The following TMEM178B variants were observed in gnomAD, a reference collection of about 807,000 sequenced individuals.
The protein encoded by TMEM178B is transmembrane protein 178B.
A neutral mutation model predicts 31.0 loss-of-function variants in TMEM178B; 5 were observed. The ratio of observed to expected loss-of-function variants is 0.16; its 90% CI spans 0.08 to 0.34. The LOEUF (loss-of-function observed/expected upper bound fraction) is 0.34. Ranked by LOEUF, TMEM178B falls within the 10% of genes least tolerant of loss-of-function variation. The probability of loss-of-function intolerance (pLI) is 1.00; values close to 1 mark genes in which losing one functional copy is unlikely to be tolerated. For missense variants in TMEM178B, 275 were observed against 400.3 expected, an observed-to-expected ratio of 0.69 and a Z score of 2.67; for synonymous variants, 164 against 164.0, an observed-to-expected ratio of 1.00 and a Z score of 0.00.
At chr7:141,177,637 G>T (rs1444682830) in intron 1 of TMEM178B, among the ~76,000 whole-genome samples, 2 of 152,090 alleles carry the variant, frequency 1.3e-5, no homozygotes, top group East Asian at 1.9e-4. Context: ...CCTTTATTGG[G>T]TGCATATATA....
chr7:141,115,171 T>G (rs1795298594), intron 1 of TMEM178B, among the ~76,000 whole-genome samples: 2 of 152,146 alleles, frequency 1.3e-5, no homozygotes, highest in Admixed American at 6.5e-5. Flanking sequence ...ACCTCCCGAG[T>G]AGCTGGGATT....
chr7:141,123,512 T>A (rs1291453830), intron 1 of TMEM178B, among the ~76,000 whole-genome samples: 2 of 152,226 alleles, frequency 1.3e-5, no homozygotes, highest in African/African-American at 4.8e-5. Flanking sequence ...CAGCTGTTAG[T>A]GGCTGTGCAC....
intron 2 of TMEM178B, among the ~76,000 whole-genome samples, chr7:141,360,276 C>A (rs1404684781): frequency 6.6e-6 from 1 of 152,186 alleles, no homozygotes; most frequent in Non-Finnish European, 1.5e-5. Context: ...CTTCCTGCAG[C>A]CTTGGGGAAT....
chr7:141,497,535 T>C, the TMEM178B span, among the ~76,000 whole-genome samples: 3 of 152,226 alleles, frequency 2.0e-5, no homozygotes, highest in African/African-American at 7.2e-5. Context: ...TAGTGATTGC[T>C]TCGTGGGCTT....
chr7:141,108,157 AAG>A (rs1001482779), intron 1 of TMEM178B, among the ~76,000 whole-genome samples: 2 of 152,234 alleles, frequency 1.3e-5, no homozygotes, highest in African/African-American at 4.8e-5. Context: ...GGAGGCCGTT[AAG>A]AGAGAGAACT....
intron 1 of TMEM178B, among the ~76,000 whole-genome samples, chr7:141,077,397 A>G (rs1385801229): frequency 6.6e-6 from 1 of 152,246 alleles, no homozygotes; most frequent in East Asian, 1.9e-4. Context: ...GAACTTAGTT[A>G]TTTGTTAAAT....
At chr7:141,388,443 T>C (rs1399497499) in intron 2 of TMEM178B, among the ~76,000 whole-genome samples, 1 of 152,162 alleles carries the variant, frequency 6.6e-6, no homozygotes, top group Non-Finnish European at 1.5e-5. Flanking sequence ...AGGTAAAAAA[T>C]ATTCTTGTCA....
Position 141,223,479 on chromosome 7 carries a change from C to CTTTTTTT in TMEM178B, c.496+10786_496+10792dup, listed in dbSNP as rs10680431. ...GCTGATGTTCTCTGCTGTTTTCACT[C>CTTTTTTT]TTTTTTTTTTTTTTTTTGTATTTCC... On this transcript the variant is annotated intron_variant, in intron 2 of 3. Transcript: ENST00000565468. Among the ~76,000 whole-genome samples the CTTTTTTT allele has an allele frequency of 7.9e-4, 104 of 131,140 alleles. 1 individual carries two copies. The highest frequency in any genetic ancestry group is 2.8e-3 in the African/African-American group (94 of 33,074). 86.0% of individuals were successfully genotyped at this position (131,140 alleles called of 152,430 possible). A position where few individuals can be genotyped will look rare whatever the true frequency, so the allele number is the denominator to read the frequency against.
the TMEM178B span, among the ~76,000 whole-genome samples, chr7:141,509,404 C>T: frequency 1.3e-5 from 2 of 152,150 alleles, no homozygotes; most frequent in South Asian, 2.1e-4. Context: ...AATCCCAGCA[C>T]TTTGGGAGGC....
intron 2 of TMEM178B, among the ~76,000 whole-genome samples, chr7:141,432,146 C>CTT (rs71170797): frequency 2.5e-5 from 2 of 79,082 alleles, no homozygotes; most frequent in African/African-American, 1.0e-4. Context: ...TTCACTGCAT[C>CTT]TTTTTTTTTT....
Position 141,074,141 on chromosome 7 carries a change from C to G in TMEM178B, c.-170C>G, listed in dbSNP as rs1200848980. Reference sequence around the variant, plus strand: ...TTTTTAGGCCGCCCGCCCCCATCCCCGCAGTCCCCGGGCCGTGCTCCGGTA... The same window carrying G: ...TTTTTAGGCCGCCCGCCCCCATCCCGGCAGTCCCCGGGCCGTGCTCCGGTA... On this transcript the variant is annotated 5_prime_UTR_variant, in exon 1 of 4. Transcript: ENST00000565468. This position sits in a 1 kb window ranked among gnomAD's most constrained non-coding sequence, Gnocchi z 5.1. The G allele has an allele frequency of 8.0e-6, 8 of 994,310 alleles. No individual in the cohort carries two copies. The South Asian group carries it at 1.9e-4, about 24-fold the overall frequency. 61.6% of individuals were successfully genotyped at this position (994,310 alleles called of 1,614,324 possible).
At chr7:141,139,670 T>G (rs996821533) in intron 1 of TMEM178B, among the ~76,000 whole-genome samples, 2 of 152,158 alleles carry the variant, frequency 1.3e-5, no homozygotes, top group African/African-American at 4.8e-5. Flanking sequence ...AATGAATGAT[T>G]GTAATTTCCA....
At chr7:141,448,874 G>C (rs553053561) in intron 3 of TMEM178B, among the ~76,000 whole-genome samples, 2 of 152,206 alleles carry the variant, frequency 1.3e-5, no homozygotes, top group South Asian at 4.2e-4. Context: ...TGCTGAGTTG[G>C]GGTCCGTTGC....
At chr7:141,419,621 A>G (rs1163602468) in intron 2 of TMEM178B, among the ~76,000 whole-genome samples, 2 of 152,196 alleles carry the variant, frequency 1.3e-5, no homozygotes, top group Non-Finnish European at 2.9e-5. Context: ...AGACTCCTTC[A>G]GTGGCTTGCC....
At chr7:141,421,632 A>G (rs1172387832) in intron 2 of TMEM178B, among the ~76,000 whole-genome samples, 3 of 152,198 alleles carry the variant, frequency 2.0e-5, no homozygotes, top group Non-Finnish European at 4.4e-5. Context: ...GGAAATGAAA[A>G]GCTCATCAAT....
intron 1 of TMEM178B, among the ~76,000 whole-genome samples, chr7:141,208,329 C>T (rs1263467922): frequency 6.6e-6 from 1 of 152,156 alleles, no homozygotes; most frequent in South Asian, 2.1e-4. Flanking sequence ...GGCTGGGATG[C>T]AGGAGTTTGG....
chr7:141,319,074 T>C (rs569834013), intron 2 of TMEM178B, among the ~76,000 whole-genome samples: 22 of 152,362 alleles, frequency 1.4e-4, no homozygotes, highest in Non-Finnish European at 2.5e-4. Flanking sequence ...GCAGAAGGCT[T>C]AGAAGTAGCA....
intron 2 of TMEM178B, among the ~76,000 whole-genome samples, chr7:141,281,626 G>C (rs1798361476): frequency 6.6e-6 from 1 of 152,188 alleles, no homozygotes; most frequent in Non-Finnish European, 1.5e-5. Context: ...TGTTTGTCCT[G>C]TGTGCTACCG....
At chr7:141,507,834 G>A in the TMEM178B span, among the ~76,000 whole-genome samples, 1 of 152,202 alleles carries the variant, frequency 6.6e-6, no homozygotes, top group East Asian at 1.9e-4. Flanking sequence ...TCCCTAGGTT[G>A]CACACAGCAC....
Sources: allele counts gnomAD v4.1 joint callset (sites outside exome capture counted in the v4.1 genomes callset), GRCh38; gene constraint gnomAD v4.1.1; non-coding constraint Gnocchi (gnomAD v3.1); transcripts MANE v1.5; gene names NCBI Gene and HGNC (gene_info 2026-07-23, HGNC 2026-07-21).